ALK: variants seen among roughly 807,000 people sequenced by gnomAD.
ALK encodes the protein ALK tyrosine kinase receptor.
Under a neutral mutation model 163.1 loss-of-function variants are expected in ALK, and 74 were observed. The ratio of observed to expected loss-of-function variants is 0.45; its 90% CI spans 0.38 to 0.55. The LOEUF is 0.55. Ranked by LOEUF, ALK falls within the 20% of genes least tolerant of loss-of-function variation. The pLI, the probability that ALK is intolerant of heterozygous loss-of-function variation, is 0.00. For synonymous variants in ALK, 960 were observed against 843.2 expected (o/e 1.14, Z -2.40); for missense variants, 2,063 against 2,105.3 (o/e 0.98, Z 0.39).
At chr2:29,653,628 T>C (rs1181835390) in intron 3 of ALK, among the ~76,000 whole-genome samples, 4 of 152,142 alleles carry the variant, frequency 2.6e-5, no homozygotes. Context: ...CAGATATGGA[T>C]TGGATGCTCA....
chr2:29,848,323 T>G (rs1430091293), intron 1 of ALK, among the ~76,000 whole-genome samples: 1 of 151,528 alleles, frequency 6.6e-6, no homozygotes, highest in Non-Finnish European at 1.5e-5. Context: ...GCATGTTTCA[T>G]GCTGACCACC....
At chr2:29,865,828 T>C (rs1666421165) in intron 1 of ALK, among the ~76,000 whole-genome samples, 1 of 152,200 alleles carries the variant, frequency 6.6e-6, no homozygotes, top group African/African-American at 2.4e-5. Context: ...CTTATTATTG[T>C]TATTGATATG....
In ALK at chr2:29,193,855, A is replaced by C. The variant is rs878854657; in HGVS notation, c.4232T>G (p.Val1411Gly). ...CTCAGGGTCCTTGGGCCTCACAGGC[A>C]CTTTCTCTTCCTCTTCCACAAGTGG... ...YGPLVEEEEKVPVRPKDPEGV... is the reference protein window; with the variant it reads ...YGPLVEEEEKGPVRPKDPEGV... The change falls in exon 29 of 29, where the codon GTG (valine) becomes GGG (glycine). Residue 1411 changes from valine (V) to glycine (G), a missense_variant. By Grantham distance (109) the Val-to-Gly change is moderately radical. Around this residue, in one of 5 missense-constraint regions of ALK, gnomAD observed 403 missense variants for 366.2 expected, o/e 1.10. Coordinates refer to ENST00000389048, the MANE Select transcript of ALK (RefSeq NM_004304.5). 3.7e-6 allele frequency: 6 copies of C among 1,613,740 alleles called. No homozygotes were observed. The highest frequency in any genetic ancestry group is 5.1e-6 in the Non-Finnish European group (6 of 1,179,852).
intron 2 of ALK, among the ~76,000 whole-genome samples, chr2:29,703,222 A>G (rs575622811): frequency 6.6e-6 from 1 of 152,192 alleles, no homozygotes; most frequent in Non-Finnish European, 1.5e-5. Context: ...GTCTCCAGTT[A>G]TCTTGACTTG....
chr2:29,250,876 C>T (rs1346879992), intron 12 of ALK, among the ~76,000 whole-genome samples: 2 of 152,238 alleles, frequency 1.3e-5, no homozygotes, highest in Non-Finnish European at 1.5e-5. Flanking sequence ...ATCACCTCCA[C>T]GAACAGCCTG....
At chr2:29,393,112 C>T (rs72792438) in intron 4 of ALK, among the ~76,000 whole-genome samples, 12,246 of 152,086 alleles carry the variant, frequency 0.081, 717 homozygotes, top group East Asian at 0.35. Flanking sequence ...ACCCCTAGAC[C>T]CCCTACTCCC....
intron 1 of ALK, among the ~76,000 whole-genome samples, chr2:29,830,953 GAAAAGAAGAAGAAGAAGA>G (rs1558508210): frequency 5.5e-5 from 2 of 36,632 alleles, no homozygotes; most frequent in African/African-American, 2.0e-4. Flanking sequence ...AAAAGAAGAA[GAAAAGAAGAAGAAGAAGA>G]AGAAGAAGAA....
At chr2:29,328,193 G>C (rs543223161) in intron 6 of ALK, among the ~76,000 whole-genome samples, 157 bp downstream of exon 6, 2 of 152,314 alleles carry the variant, frequency 1.3e-5, no homozygotes, top group African/African-American at 4.8e-5. Context: ...TCTTAGCTCT[G>C]CCTCTTGAAG....
At chr2:29,562,341 A>G (rs1674047640) in intron 3 of ALK, among the ~76,000 whole-genome samples, 1 of 152,142 alleles carries the variant, frequency 6.6e-6, no homozygotes, top group Non-Finnish European at 1.5e-5. Context: ...CCACTATTTG[A>G]ACACAATTAC....
At chr2:29,575,143 T>C (rs1336218840) in intron 3 of ALK, among the ~76,000 whole-genome samples, 1 of 152,162 alleles carries the variant, frequency 6.6e-6, no homozygotes, top group African/African-American at 2.4e-5. Flanking sequence ...AAAATTTTCA[T>C]AGAACTCAAT....
intron 3 of ALK, among the ~76,000 whole-genome samples, chr2:29,543,586 GA>G (rs1673471969): frequency 6.6e-6 from 1 of 152,208 alleles, no homozygotes; most frequent in Non-Finnish European, 1.5e-5. Flanking sequence ...TTGGGAAAAT[GA>G]TATTGAAAAA....
Position 29,682,851 on chromosome 2 carries a change from G to A in ALK, c.952+11999C>T, listed in dbSNP as rs1006087534. Among the ~76,000 whole-genome samples, 6 of 152,124 alleles carry A rather than the reference G, an allele frequency of 3.9e-5. No individual in the cohort carries two copies. The East Asian group carries it at 1.2e-3, about 29-fold the overall frequency. On this transcript the variant is annotated intron_variant, in intron 3 of 28. Transcript: ENST00000389048. ...TTCATTGCCTCTAGATGCAACAAAT[G>A]CTGATCACAACAGAAAGAAGGAGGT... is the stretch of plus-strand genomic sequence containing the variant.
At chr2:29,450,111 C>T (rs577752000) in intron 4 of ALK, among the ~76,000 whole-genome samples, 5 of 152,212 alleles carry the variant, frequency 3.3e-5, no homozygotes, top group Middle Eastern at 3.4e-3. Context: ...CTCCTGTGAC[C>T]GCAGGGAAAG....
intron 1 of ALK, among the ~76,000 whole-genome samples, chr2:29,748,226 C>G (rs1680257507): frequency 6.6e-6 from 1 of 152,150 alleles, no homozygotes; most frequent in Non-Finnish European, 1.5e-5. Flanking sequence ...TAATCACATC[C>G]TGGACAAGCT....
intron 4 of ALK, among the ~76,000 whole-genome samples, chr2:29,496,333 A>T (rs958962763): frequency 1.3e-5 from 2 of 152,202 alleles, no homozygotes; most frequent in Non-Finnish European, 2.9e-5. Context: ...TCACTTTTTC[A>T]TCAGGCAGTG....
intron 5 of ALK, among the ~76,000 whole-genome samples, chr2:29,382,950 C>T (rs1032472152): frequency 1.2e-4 from 19 of 152,174 alleles, no homozygotes; most frequent in Admixed American, 3.9e-4. Context: ...AGTAGGGCTT[C>T]CTCCCTAAGA....
Position 29,275,404 on chromosome 2 carries a change from G to C in ALK, c.1910C>G (p.Thr637Ser). 6.2e-7 allele frequency: 1 copy of C among 1,614,088 alleles called. No individual in the cohort carries two copies. Among genetic ancestry groups the C allele is most frequent in the Non-Finnish European group, 8.5e-7 (1 of 1,179,990 alleles). Residue 637 changes from threonine (T) to serine (S), a missense_variant and splice_region_variant, in exon 10 of 29, where the codon ACC becomes AGC. Thr to Ser is a moderately conservative substitution (Grantham distance 58, BLOSUM62 1). Coordinates refer to ENST00000389048, the MANE Select transcript of ALK (RefSeq NM_004304.5). ...NISISLDCYL[T>S]ISGEDKILQN... Reference sequence around the variant, plus strand: ...TGCTGGGGTCAGAGTGAACTCACTGGTGAGGTAGCAGTCCAGGCTGATGGA... The same window carrying C: ...TGCTGGGGTCAGAGTGAACTCACTGCTGAGGTAGCAGTCCAGGCTGATGGA...
intron 1 of ALK, among the ~76,000 whole-genome samples, chr2:29,760,185 ACACACC>A (rs1680660415): frequency 3.3e-5 from 5 of 151,990 alleles, no homozygotes; most frequent in African/African-American, 1.2e-4. Flanking sequence ...ACACATCCCT[ACACACC>A]TACACACCCC....
intron 14 of ALK, 148 bp from the exon 15 acceptor site, chr2:29,232,596 C>G (rs934336486): frequency 9.2e-7 from 1 of 1,083,096 alleles, no homozygotes; most frequent in Non-Finnish European, 1.4e-6. Flanking sequence ...TTTGCGGGCT[C>G]TGAACCCTTG....
Sources: allele counts gnomAD v4.1 joint callset (sites outside exome capture counted in the v4.1 genomes callset), GRCh38; gene constraint gnomAD v4.1.1; regional missense constraint gnomAD v4.1.1; transcripts MANE v1.5; gene names NCBI Gene and HGNC (gene_info 2026-07-23, HGNC 2026-07-21).